The following CSMD2 variants were observed in gnomAD, a reference collection of about 807,000 sequenced individuals.
CSMD2 encodes CUB and Sushi multiple domains 2, also known as CUB and sushi domain-containing protein 2.
Under a neutral mutation model 398.5 loss-of-function variants are expected in CSMD2, and 130 were observed. The ratio of observed to expected loss-of-function variants is 0.33; its 90% CI spans 0.28 to 0.38. The LOEUF (loss-of-function observed/expected upper bound fraction) is 0.38, where lower values mean the gene tolerates loss of function less well. CSMD2 is among the 10% of genes least tolerant of loss of function. CSMD2 has a pLI of 1.00. For synonymous variants in CSMD2, 1,828 were observed against 1,908.5 expected, an observed-to-expected ratio of 0.96 and a Z score of 1.10; for missense variants, 3,829 against 4,764.9, an observed-to-expected ratio of 0.80 and a Z score of 5.78.
At chr1:33,789,785 C>T (rs918460631) in intron 11 of CSMD2, among the ~76,000 whole-genome samples, 3 of 152,166 alleles carry the variant, frequency 2.0e-5, no homozygotes, top group African/African-American at 7.2e-5. Context: ...TGGGCTCTGA[C>T]AAGCTGAGTA....
At chr1:34,165,668 C>A, upstream of CSMD2, 3 of 1,363,164 alleles carry the variant, frequency 2.2e-6, no homozygotes, top group Non-Finnish European at 3.1e-6. Context: ...ACGCACACCT[C>A]TTCCACGTTT....
intron 64 of CSMD2, 57 bp from the exon 65 acceptor site, chr1:33,527,315 G>T (rs1654864982): frequency 7.0e-7 from 1 of 1,433,006 alleles, no homozygotes. Flanking sequence ...ACACTCTGTT[G>T]GAAAAATAAT....
intron 3 of CSMD2, among the ~76,000 whole-genome samples, chr1:33,957,663 T>A (rs1645213311): frequency 1.3e-5 from 2 of 151,934 alleles, no homozygotes; most frequent in African/African-American, 4.8e-5. Flanking sequence ...CATGAGAAGG[T>A]CTAGGAAGGG....
chr1:33,998,383 G>A (rs1646793037), intron 3 of CSMD2, among the ~76,000 whole-genome samples: 1 of 152,102 alleles, frequency 6.6e-6, no homozygotes, highest in Non-Finnish European at 1.5e-5. Flanking sequence ...CCAGTTTCAG[G>A]TACTCTGTTA....
chr1:33,988,053 A>G (rs1646421343), intron 3 of CSMD2, among the ~76,000 whole-genome samples: 1 of 152,216 alleles, frequency 6.6e-6, no homozygotes, highest in African/African-American at 2.4e-5. Flanking sequence ...AGTGCATTTA[A>G]GACTTTTCTT....
At chr1:33,538,745 T>C (rs1269074052) in intron 60 of CSMD2, among the ~76,000 whole-genome samples, 2 of 152,190 alleles carry the variant, frequency 1.3e-5, no homozygotes, top group East Asian at 3.9e-4. Context: ...ATTAAAGTAA[T>C]GAGCGATCTT....
At chr1:33,558,011 G>A (rs1658198393) in intron 54 of CSMD2, 89 bp from the exon 55 acceptor site, 14 of 1,214,300 alleles carry the variant, frequency 1.2e-5, no homozygotes, top group South Asian at 5.8e-5. Flanking sequence ...AGACCCTGTC[G>A]GGAGGGTGAG....
intron 2 of CSMD2, among the ~76,000 whole-genome samples, chr1:34,056,677 CTATTACAATTA>C (rs1653867667): frequency 6.6e-6 from 1 of 151,534 alleles, no homozygotes; most frequent in Non-Finnish European, 1.5e-5. Context: ...GTGCTCATAG[CTATTACAATTA>C]TTTCTATCAA....
At chr1:33,567,912 G>T in intron 52 of CSMD2, 71 bp from the exon 53 acceptor site, 1 of 1,511,390 alleles carries the variant, frequency 6.6e-7, no homozygotes, top group Non-Finnish European at 8.9e-7. Context: ...CTCTCCCTGA[G>T]AGTAGCAATC....
At chr1:33,758,846 C>T (rs948634879) in intron 13 of CSMD2, among the ~76,000 whole-genome samples, 2 of 152,178 alleles carry the variant, frequency 1.3e-5, no homozygotes, top group Non-Finnish European at 2.9e-5. Flanking sequence ...TTCCCTGAAG[C>T]TTCTGCCTTC....
rs556397314 is a variant in CSMD2, at chr1:33,821,479, T to A, written c.1112-923A>T. On this transcript the variant is annotated intron_variant, in intron 7 of 70. Transcript: ENST00000373381. ...GGAGTTCCACTCAAAGCCTCACCAA[T>A]CCCATGACCCCAACAGCAACCTCTA... Among the ~76,000 whole-genome samples the A allele has an allele frequency of 7.2e-5, 11 of 152,014 alleles. No individual in the cohort carries two copies. In the East Asian group the frequency reaches 1.9e-3, roughly 27 times the overall value.
At chr1:33,869,764 T>C (rs776330636) in intron 5 of CSMD2, among the ~76,000 whole-genome samples, 5 of 152,170 alleles carry the variant, frequency 3.3e-5, no homozygotes, top group Non-Finnish European at 7.3e-5. Flanking sequence ...GAGCAGACCA[T>C]GCTCAGTTAG....
intron 65 of CSMD2, 88 bp downstream of exon 65, chr1:33,527,108 A>G: frequency 8.4e-7 from 1 of 1,190,850 alleles, no homozygotes; most frequent in Non-Finnish European, 1.3e-6. Context: ...CTAGGCACTC[A>G]GCAACTCTCA....
chr1:33,868,281 C>T lies in CSMD2; in HGVS notation c.921-21285G>A, dbSNP rs183560066. 1.4e-4 allele frequency among the ~76,000 whole-genome samples: 21 copies of T among 152,242 alleles called. No individual in the cohort carries two copies. The East Asian group carries it at 3.1e-3, about 22-fold the overall frequency. On this transcript the variant is annotated intron_variant, in intron 5 of 70. Coordinates refer to ENST00000373381, the MANE Select transcript of CSMD2 (RefSeq NM_001281956.2). ...CAACTCTGATCCTTCTCTCCTCAAC[C>T]GTTTTTCTGTGTTCATGTAGTCATT...
chr1:34,142,596 C>T (rs1639405688), intron 1 of CSMD2, among the ~76,000 whole-genome samples: 1 of 152,198 alleles, frequency 6.6e-6, no homozygotes, highest in African/African-American at 2.4e-5. Context: ...CTCTCTCCAT[C>T]TTCTTGCATG....
At position 33,614,570 on chromosome 1, in the gene CSMD2, C is replaced by T. The variant is rs1185048090; in HGVS notation, c.6067G>A (p.Gly2023Ser). Residue 2023 changes from glycine (G) to serine (S), a missense_variant, in exon 40 of 71, where the codon GGC (glycine) becomes AGC (serine). Gly to Ser is a moderately conservative substitution (Grantham distance 56, BLOSUM62 0). This residue lies in a region of CSMD2 where 2,001 missense variants were observed against 2,567.1 expected (regional missense o/e 0.78). Coordinates refer to ENST00000373381, the MANE Select transcript of CSMD2 (RefSeq NM_001281956.2). ...TTACTGGGGTAGTTGCCTGGGAAGCCGGGGCTCAGGATCACCCCCTCCATC... is the reference window on the plus strand; with the variant it reads ...TTACTGGGGTAGTTGCCTGGGAAGCTGGGGCTCAGGATCACCCCCTCCATC... ...EEMEGVILSPGFPGNYPSNMD... is the reference protein window; with the variant it reads ...EEMEGVILSPSFPGNYPSNMD... 8 of 1,613,188 alleles carry T rather than the reference C, an allele frequency of 5.0e-6. No individual in the cohort carries two copies. Among genetic ancestry groups the T allele is most frequent in the Non-Finnish European group, 5.9e-6 (7 of 1,179,468 alleles).
At chr1:34,157,541 C>T (rs1180813779) in intron 1 of CSMD2, among the ~76,000 whole-genome samples, 1 of 151,844 alleles carries the variant, frequency 6.6e-6, no homozygotes, top group Non-Finnish European at 1.5e-5. Flanking sequence ...CCATTCTACT[C>T]GACCCCAACT....
At chr1:34,142,264 C>T (rs144282755) in intron 1 of CSMD2, among the ~76,000 whole-genome samples, 169 of 152,226 alleles carry the variant, frequency 1.1e-3, no homozygotes, top group African/African-American at 3.7e-3. Context: ...CTAATAACTA[C>T]GAGCAAATGG....
chr1:33,768,186 A>T (rs1210249940), intron 13 of CSMD2, among the ~76,000 whole-genome samples: 1 of 152,170 alleles, frequency 6.6e-6, no homozygotes, highest in East Asian at 1.9e-4. Flanking sequence ...TCATAGCCTC[A>T]CTTAAAACAC....
Sources: allele counts gnomAD v4.1 joint callset (sites outside exome capture counted in the v4.1 genomes callset), GRCh38; gene constraint gnomAD v4.1.1; regional missense constraint gnomAD v4.1.1; transcripts MANE v1.5; gene names NCBI Gene and HGNC (gene_info 2026-07-23, HGNC 2026-07-21).